HMG20A: variants seen among roughly 807,000 people sequenced by gnomAD.
HMG20A encodes the protein high mobility group protein 20A.
In HMG20A, 17 loss-of-function variants were observed where a neutral mutation model predicts 43.9. That is an observed-to-expected ratio of 0.39 (90% CI 0.27 to 0.58). The LOEUF (loss-of-function observed/expected upper bound fraction) is 0.58. HMG20A is among the 20% of genes least tolerant of loss of function. The pLI, the probability that HMG20A is intolerant of heterozygous loss-of-function variation, is 0.59. For synonymous variants in HMG20A, 132 were observed against 147.5 expected, an observed-to-expected ratio of 0.89 and a Z score of 0.76; for missense variants, 341 against 438.2, an observed-to-expected ratio of 0.78 and a Z score of 1.98.
chr15:77,494,491 C>T, the HMG20A span, among the ~76,000 whole-genome samples: 1 of 152,126 alleles, frequency 6.6e-6, no homozygotes, highest in South Asian at 2.1e-4. Context: ...ACATCTGGAC[C>T]CAAGTGAGAC....
intron 7 of HMG20A, 141 bp from the exon 8 acceptor site, chr15:77,478,154 G>A: frequency 1.4e-6 from 1 of 711,322 alleles, no homozygotes; most frequent in South Asian, 1.7e-5. Context: ...TTGCTATCTG[G>A]AATGCCATAA....
chr15:77,462,337 T>A lies in HMG20A; in HGVS notation c.90-1903T>A, dbSNP rs542440677. On this transcript the variant is annotated intron_variant, in intron 2 of 9. Transcript: ENST00000336216. ...AGTTATCTTAATGCCCTTCTCAGTC[T>A]CCTTTCCTAGTTTTTCTACCTTGCT... 2.6e-5 allele frequency among the ~76,000 whole-genome samples: 4 copies of A among 152,274 alleles called. No individual in the cohort carries two copies. The South Asian group carries it at 8.3e-4, about 32-fold the overall frequency.
rs1169585247 is a variant in HMG20A at position 77,479,306 on chromosome 15, C to G, written c.1035C>G (p.Leu345=). 1 of 1,613,758 alleles carries G rather than the reference C, an allele frequency of 6.2e-7. No homozygotes were observed. The highest frequency in any genetic ancestry group is 1.1e-5 in the South Asian group (1 of 91,026). The change falls in exon 9 of 10, where the codon CTC becomes CTG. Residue 345 remains leucine (L), a synonymous_variant. Coordinates refer to ENST00000336216, the MANE Select transcript of HMG20A (RefSeq NM_001304504.2). ...CAGTTCGAGAAGTTGTGAACAGACT[C>G]GATCGTTAGGGAATGGTGAGTGCTC... ...IATVREVVNR[L]DR
Position 77,448,858 on chromosome 15 carries a change from T to C in HMG20A, c.-4-9546T>C, listed in dbSNP as rs528210467. On this transcript the variant is annotated intron_variant, in intron 1 of 9. Coordinates refer to ENST00000336216, the MANE Select transcript of HMG20A (RefSeq NM_001304504.2). Reference sequence around the variant, plus strand: ...CAGCACTTTGGGAGGCCGAGGTGGGTGGATCACAAGGTCAGGAGTTCAAGA... The same window carrying C: ...CAGCACTTTGGGAGGCCGAGGTGGGCGGATCACAAGGTCAGGAGTTCAAGA... Among the ~76,000 whole-genome samples, 186 of 151,540 alleles carry C rather than the reference T, an allele frequency of 1.2e-3. 1 individual carries two copies. Among genetic ancestry groups the C allele is most frequent in the African/African-American group, 4.4e-3 (181 of 41,302 alleles).
chr15:77,467,789 C>A (rs1325801913), intron 4 of HMG20A, among the ~76,000 whole-genome samples: 1 of 152,132 alleles, frequency 6.6e-6, no homozygotes, highest in Non-Finnish European at 1.5e-5. Context: ...AACTTGAATT[C>A]TTTCTCCTCT....
At chr15:77,495,683 C>G in the HMG20A span, among the ~76,000 whole-genome samples, 1 of 152,176 alleles carries the variant, frequency 6.6e-6, no homozygotes, top group Non-Finnish European at 1.5e-5. Context: ...GCCAGGAGAC[C>G]TCAGCTTCCA....
intron 3 of HMG20A, among the ~76,000 whole-genome samples, chr15:77,465,591 C>A (rs2072749902): frequency 6.6e-6 from 1 of 152,066 alleles, no homozygotes; most frequent in Admixed American, 6.5e-5. Flanking sequence ...GATGGAGTTT[C>A]TCCGTGTTGA....
chr15:77,433,232 TA>T (rs2073507519), intron 1 of HMG20A, among the ~76,000 whole-genome samples: 1 of 150,718 alleles, frequency 6.6e-6, no homozygotes, highest in Non-Finnish European at 1.5e-5. Context: ...CCTATAGTCC[TA>T]GCTACTCGGG....
At chr15:77,435,545 C>T (rs563813065) in intron 1 of HMG20A, among the ~76,000 whole-genome samples, 17 of 152,198 alleles carry the variant, frequency 1.1e-4, no homozygotes, top group East Asian at 7.7e-4. Context: ...CCGCCCGCCT[C>T]GGCCTCCCAA....
intron 9 of HMG20A, among the ~76,000 whole-genome samples, chr15:77,480,702 G>A (rs1297606027): frequency 1.4e-5 from 2 of 147,188 alleles, no homozygotes; most frequent in South Asian, 2.1e-4. Context: ...TTCAACAAAT[G>A]AGCAGTAGTA....
chr15:77,504,335 T>A, the HMG20A span, among the ~76,000 whole-genome samples: 1 of 152,094 alleles, frequency 6.6e-6, no homozygotes, highest in East Asian at 1.9e-4. Context: ...TGCTGAGAAG[T>A]GGGATGAGGC....
intron 9 of HMG20A, among the ~76,000 whole-genome samples, chr15:77,479,980 T>A (rs1486348118): frequency 6.6e-6 from 1 of 152,162 alleles, no homozygotes; most frequent in East Asian, 1.9e-4. Flanking sequence ...GGTAACTCCC[T>A]GGTTTTGATA....
At chr15:77,506,995 G>A in the HMG20A span, among the ~76,000 whole-genome samples, 21 of 152,354 alleles carry the variant, frequency 1.4e-4, no homozygotes, top group Non-Finnish European at 2.2e-4. Flanking sequence ...ACTTGAATCC[G>A]TAGACTGAGT....
At chr15:77,476,961 G>A (rs1003967428) in intron 6 of HMG20A, among the ~76,000 whole-genome samples, 6 of 151,536 alleles carry the variant, frequency 4.0e-5, no homozygotes, top group Admixed American at 1.3e-4. Flanking sequence ...CTGATTTCTC[G>A]GTCTCATGTG....
intron 2 of HMG20A, among the ~76,000 whole-genome samples, chr15:77,458,859 A>G (rs1486753166): frequency 6.6e-6 from 1 of 152,178 alleles, no homozygotes; most frequent in Non-Finnish European, 1.5e-5. Flanking sequence ...TTTTTTCCCA[A>G]AGATCAGATT....
chr15:77,472,222 A>G lies in HMG20A; in HGVS notation c.615+408A>G, dbSNP rs531849008. ...TTTGCTTAAAGCGAACTGTTCAACT[A>G]CAATGTCGATAGAGCACAAGCGACA... On this transcript the variant is annotated intron_variant, in intron 6 of 9. Coordinates refer to ENST00000336216, the MANE Select transcript of HMG20A (RefSeq NM_001304504.2). Among the ~76,000 whole-genome samples the G allele has an allele frequency of 1.4e-4, 21 of 152,312 alleles. No individual in the cohort carries two copies. In the South Asian group the frequency reaches 4.1e-3, roughly 30 times the overall value.
chr15:77,487,168 G>C (rs936003037), downstream of HMG20A, among the ~76,000 whole-genome samples: 1 of 152,154 alleles, frequency 6.6e-6, no homozygotes, highest in African/African-American at 2.4e-5. Context: ...CCTGGAAATC[G>C]TATTCAACAC....
chr15:77,496,864 C>T, the HMG20A span, among the ~76,000 whole-genome samples: 107 of 152,348 alleles, frequency 7.0e-4, no homozygotes, highest in African/African-American at 2.4e-3. Flanking sequence ...GATGTGTATG[C>T]GTGCTCACTC....
At chr15:77,450,903 A>G (rs2073729832) in intron 1 of HMG20A, among the ~76,000 whole-genome samples, 1 of 152,218 alleles carries the variant, frequency 6.6e-6, no homozygotes, top group African/African-American at 2.4e-5. Context: ...ATAGGTGTGT[A>G]GTGGTAGCTC....
Sources: allele counts gnomAD v4.1 joint callset (sites outside exome capture counted in the v4.1 genomes callset), GRCh38; gene constraint gnomAD v4.1.1; transcripts MANE v1.5; gene names NCBI Gene and HGNC (gene_info 2026-07-23, HGNC 2026-07-21).